Variants in LOXHD1 observed in about 807,000 individuals in gnomAD.
The protein encoded by LOXHD1 is lipoxygenase homology domain-containing protein 1.
LOXHD1 carries 205 observed loss-of-function variants against 248.2 expected under a neutral mutation model. The ratio of observed to expected loss-of-function variants is 0.83; its 90% CI spans 0.74 to 0.93. The LOEUF (loss-of-function observed/expected upper bound fraction) is 0.93, where lower values mean the gene tolerates loss of function less well. Ranked by LOEUF, LOXHD1 falls within the 40% of genes least tolerant of loss-of-function variation. LOXHD1 has a pLI of 0.00. For synonymous variants in LOXHD1, 1,113 were observed against 1,162.8 expected, an observed-to-expected ratio of 0.96 and a Z score of 0.87; for missense variants, 2,930 against 2,971.6, an observed-to-expected ratio of 0.99 and a Z score of 0.33.
chr18:46,647,543 G>C (rs1331717451), intron 2 of LOXHD1, among the ~76,000 whole-genome samples: 2 of 152,184 alleles, frequency 1.3e-5, no homozygotes, highest in African/African-American at 4.8e-5. Flanking sequence ...AGTGCACTCT[G>C]GGAACACATG....
rs1203046811 is a variant in LOXHD1 at position 46,594,365 on chromosome 18, A to G, written c.1236T>C (p.Tyr412=). The G allele has an allele frequency of 1.3e-6, 2 of 1,551,646 alleles. No individual in the cohort carries two copies. The highest frequency in any genetic ancestry group is 4.9e-5 in the East Asian group (2 of 40,910). ...KADGLIERQL[Y]EMVSLRKKRL... ...GCTTCTTCCTGAGAGACACCATCTCATAGAGCTGCCTCTCAATCAACCCAT... is the reference window on the plus strand; with the variant it reads ...GCTTCTTCCTGAGAGACACCATCTCGTAGAGCTGCCTCTCAATCAACCCAT... Residue 412 remains tyrosine, a synonymous_variant, in exon 9 of 41, where the codon TAT becomes TAC. Coordinates refer to ENST00000642948, the MANE Select transcript of LOXHD1 (RefSeq NM_001384474.1).
chr18:46,587,506 T>C (rs190627617), intron 12 of LOXHD1, among the ~76,000 whole-genome samples: 1 of 152,320 alleles, frequency 6.6e-6, no homozygotes. Flanking sequence ...GTCTTGATTC[T>C]CTCTAGGAGC....
chr18:46,560,503 C>T lies in LOXHD1; in HGVS notation c.2641G>A (p.Gly881Arg), dbSNP rs759837659. Residue 881 changes from glycine to arginine, a missense_variant, in exon 19 of 41, where the codon GGG (glycine) becomes AGG (arginine). Coordinates refer to ENST00000642948, the MANE Select transcript of LOXHD1 (RefSeq NM_001384474.1). ...GGCCCAAAGCCCTCGCCCGTGTGCC[C>T]GAGCCGGAGCTTATAGACCTCGCCC... ...DVGEVYKLRL[G>R]HTGEGFGPSW... is the part of the protein sequence containing the mutation. 9.1e-6 allele frequency: 14 copies of T among 1,536,994 alleles called. No individual in the cohort carries two copies. Among genetic ancestry groups the T allele is most frequent in the East Asian group, 2.4e-5 (1 of 40,896 alleles).
chr18:46,522,524 A>G (rs2035629720), intron 31 of LOXHD1, among the ~76,000 whole-genome samples: 1 of 152,212 alleles, frequency 6.6e-6, no homozygotes, highest in South Asian at 2.1e-4. Flanking sequence ...TGTACAGACC[A>G]AAGACAGCAT....
rs954952229 is a variant in LOXHD1 at position 46,642,171 on chromosome 18, C to T, written c.246-135G>A. 20 of 791,844 alleles carry T rather than the reference C, an allele frequency of 2.5e-5. No homozygotes were observed. In the African/African-American group the frequency reaches 3.4e-4, roughly 13 times the overall value. The allele number at this position is 791,844 out of a possible 1,614,324, so 49.1% of individuals were successfully genotyped here. ...GAGCTATGAGCAACAAGATCCCATT[C>T]CAAGATTCCCTTCTGACATGGTTCC... On this transcript the variant is annotated intron_variant, in intron 2 of 40. Transcript: ENST00000642948.
At chr18:46,509,617 A>G (rs1291623283) in intron 35 of LOXHD1, 81 bp downstream of exon 35, 2 of 1,002,940 alleles carry the variant, frequency 2.0e-6, no homozygotes, top group South Asian at 1.4e-5. Flanking sequence ...GTGCTTTAAC[A>G]AGGTCCATTG....
Position 46,522,273 on chromosome 18 carries a change from T to A in LOXHD1, c.4913A>T (p.His1638Leu). The A allele has an allele frequency of 6.4e-7, 1 of 1,551,864 alleles. No homozygotes were observed. The highest frequency in any genetic ancestry group is 8.7e-7 in the Non-Finnish European group (1 of 1,147,016). The change falls in exon 32 of 41, where the codon CAC becomes CTC. Residue 1638 changes from histidine (H) to leucine (L), a missense_variant. Coordinates refer to ENST00000642948, the MANE Select transcript of LOXHD1 (RefSeq NM_001384474.1). The stretch of plus-strand genomic sequence containing the variant: ...TCGGCTGTCAGTGGCCGCGTCCTTG[T>A]GCTTCCCAGTGGTGACTGACACATA... The part of the protein sequence containing the change: ...PYYVSVTTGK[H>L]KDAATDSRAF...
chr18:46,484,983 AC>A (rs921795757), intron 39 of LOXHD1, 35 bp downstream of exon 39: 12 of 1,210,822 alleles, frequency 9.9e-6, no homozygotes, highest in Admixed American at 6.2e-5. Context: ...TTACCTACCC[AC>A]CCCCCACCAC....
chr18:46,546,321 T>C (rs1568167610), intron 22 of LOXHD1, among the ~76,000 whole-genome samples: 1 of 152,138 alleles, frequency 6.6e-6, no homozygotes, highest in East Asian at 1.9e-4. Context: ...TCCACTCCAC[T>C]CCACTCCATT....
At chr18:46,558,301 A>G (rs2037421709) in intron 20 of LOXHD1, among the ~76,000 whole-genome samples, 1 of 152,190 alleles carries the variant, frequency 6.6e-6, no homozygotes, top group Non-Finnish European at 1.5e-5. Flanking sequence ...TCATCCCTAA[A>G]TTCTTCAACA....
intron 17 of LOXHD1, among the ~76,000 whole-genome samples, chr18:46,565,355 A>G (rs2037618350): frequency 6.6e-6 from 1 of 152,076 alleles, no homozygotes; most frequent in South Asian, 2.1e-4. Context: ...CCTATCCAAA[A>G]AGGCCCTTCC....
chr18:46,614,360 A>AGC (rs1281913970), intron 5 of LOXHD1, among the ~76,000 whole-genome samples: 7 of 152,210 alleles, frequency 4.6e-5, no homozygotes, highest in Non-Finnish European at 1.0e-4. Flanking sequence ...AAAATGTGGC[A>AGC]CATATACATC....
chr18:46,644,378 T>C (rs2039001150), intron 2 of LOXHD1, among the ~76,000 whole-genome samples: 1 of 152,162 alleles, frequency 6.6e-6, no homozygotes, highest in Non-Finnish European at 1.5e-5. Flanking sequence ...AACAGTTGCA[T>C]TCAGTAAAGG....
intron 26 of LOXHD1, among the ~76,000 whole-genome samples, chr18:46,537,546 T>C (rs2036366271): frequency 6.6e-6 from 1 of 152,148 alleles, no homozygotes; most frequent in Non-Finnish European, 1.5e-5. Context: ...CCCAACCTAG[T>C]GCACAGCTGA....
chr18:46,593,692 T>G lies in LOXHD1; in HGVS notation c.1339A>C (p.Ile447Leu). The G allele has an allele frequency of 6.4e-7, 1 of 1,552,282 alleles. No individual in the cohort carries two copies. Among genetic ancestry groups the G allele is most frequent in the Non-Finnish European group, 8.7e-7 (1 of 1,147,114 alleles). The change falls in exon 10 of 41, where the codon ATC becomes CTC. Residue 447 changes from isoleucine to leucine, a missense_variant. Coordinates refer to ENST00000642948, the MANE Select transcript of LOXHD1 (RefSeq NM_001384474.1). ...CGCCCCTTCTGCCCATAAATCTGGA[T>G]GAAGATGGGAGAGTTGGTACCAGCT... The part of the protein sequence containing the change: ...KKAGTNSPIF[I>L]QIYGQKGRTD...
At chr18:46,547,164 C>T in intron 21 of LOXHD1, 106 bp from the exon 22 acceptor site, 1 of 1,222,420 alleles carries the variant, frequency 8.2e-7, no homozygotes, top group South Asian at 1.4e-5. Context: ...CCCAAACTCT[C>T]CCCTGTCTGC....
chr18:46,650,248 T>C (rs772641748), intron 1 of LOXHD1, among the ~76,000 whole-genome samples: 1 of 152,136 alleles, frequency 6.6e-6, no homozygotes, highest in African/African-American at 2.4e-5. Flanking sequence ...GAACAGCCAG[T>C]TCTGGAAATC....
chr18:46,503,418 C>A (rs1251063167), intron 37 of LOXHD1, among the ~76,000 whole-genome samples: 2 of 152,100 alleles, frequency 1.3e-5, no homozygotes, highest in African/African-American at 4.8e-5. Context: ...GAATGTGGCT[C>A]AATGCTTTCA....
chr18:46,491,325 T>A (rs2033457743), intron 37 of LOXHD1, among the ~76,000 whole-genome samples: 1 of 152,220 alleles, frequency 6.6e-6, no homozygotes, highest in Non-Finnish European at 1.5e-5. Context: ...TGGGCCTGTA[T>A]CACTATCACC....
Sources: allele counts gnomAD v4.1 joint callset (sites outside exome capture counted in the v4.1 genomes callset), GRCh38; gene constraint gnomAD v4.1.1; transcripts MANE v1.5; gene names NCBI Gene and HGNC (gene_info 2026-07-23, HGNC 2026-07-21).